EHD4: variants seen among roughly 807,000 people sequenced by gnomAD.
EHD4 encodes EH domain-containing protein 4.
In EHD4, 37 loss-of-function variants were observed where a neutral mutation model predicts 51.0. The observed-to-expected ratio is 0.73, with a 90% CI of 0.56 to 0.95. The LOEUF is 0.95. Among genes scored for constraint, EHD4 ranks in the 40% least tolerant of loss-of-function variants. The probability of loss-of-function intolerance (pLI) is 0.00; values close to 1 mark genes in which losing one functional copy is unlikely to be tolerated. For missense variants in EHD4, 632 were observed against 733.1 expected (o/e 0.86, Z 1.59); for synonymous variants, 297 against 317.3 (o/e 0.94, Z 0.68).
At position 41,897,809 on chromosome 15, in the gene EHD4, T is replaced by G. The variant is rs2067449440; in HGVS notation, c.*2836A>C. The G allele has an allele frequency of 1.3e-5, 2 of 152,270 alleles. No homozygotes were observed. Among genetic ancestry groups the G allele is most frequent in the South Asian group, 4.1e-4 (2 of 4,834 alleles). The allele number at this position is 152,270 out of a possible 1,614,324, so 9.4% of individuals were successfully genotyped here. Reference sequence around the variant, plus strand: ...GTGTAGAAAACAGGGCCTCAGCTTCTTAGATGTTGTAGTTCTAGAGTTTAG... The same window carrying G: ...GTGTAGAAAACAGGGCCTCAGCTTCGTAGATGTTGTAGTTCTAGAGTTTAG... On this transcript the variant is annotated 3_prime_UTR_variant, in exon 6 of 6. Coordinates refer to ENST00000220325, the MANE Select transcript of EHD4 (RefSeq NM_139265.4).
intron 3 of EHD4, among the ~76,000 whole-genome samples, chr15:41,923,393 A>C (rs1023157203): frequency 6.6e-6 from 1 of 152,336 alleles, no homozygotes; most frequent in Admixed American, 6.5e-5. Context: ...CTAGCTACCC[A>C]AAAATCCCAG....
chr15:41,901,239 T>C, intron 5 of EHD4, 58 bp from the exon 6 acceptor site: 1 of 1,488,278 alleles, frequency 6.7e-7, no homozygotes, highest in South Asian at 1.4e-5. Context: ...GGGAAACAGT[T>C]GGGGGCCACT....
chr15:41,931,738 G>A (rs554953053), intron 3 of EHD4, among the ~76,000 whole-genome samples: 44 of 150,416 alleles, frequency 2.9e-4, no homozygotes, highest in African/African-American at 7.8e-4. Context: ...ATGCAGTGGC[G>A]CAATCTCAGC....
chr15:41,942,965 C>G, intron 3 of EHD4, 102 bp downstream of exon 3: 1 of 1,172,920 alleles, frequency 8.5e-7, no homozygotes. Flanking sequence ...CAACAGCTGT[C>G]CTGGAGGACG....
At chr15:41,952,847 G>A (rs769418473) in intron 2 of EHD4, among the ~76,000 whole-genome samples, 6 of 151,798 alleles carry the variant, frequency 4.0e-5, no homozygotes, top group Non-Finnish European at 8.8e-5. Flanking sequence ...AAAATTAGCT[G>A]GGTGTGGTGG....
chr15:41,969,890 A>G (rs1250772520), intron 1 of EHD4, among the ~76,000 whole-genome samples: 1 of 152,208 alleles, frequency 6.6e-6, no homozygotes, highest in Non-Finnish European at 1.5e-5. Context: ...TGGAATGTGC[A>G]GGAAGCCAGG....
At chr15:41,936,528 A>C (rs1330573526) in intron 3 of EHD4, among the ~76,000 whole-genome samples, 1 of 152,240 alleles carries the variant, frequency 6.6e-6, no homozygotes, top group African/African-American at 2.4e-5. Context: ...AATGTCTGAG[A>C]TATCCCGTGA....
chr15:41,930,729 C>A (rs1465251296), intron 3 of EHD4, among the ~76,000 whole-genome samples: 1 of 152,152 alleles, frequency 6.6e-6, no homozygotes, highest in African/African-American at 2.4e-5. Flanking sequence ...GCTCCTCAAG[C>A]CAAACTATTA....
At chr15:41,938,252 C>G (rs1015431875) in intron 3 of EHD4, among the ~76,000 whole-genome samples, 1 of 152,174 alleles carries the variant, frequency 6.6e-6, no homozygotes, top group Non-Finnish European at 1.5e-5. Flanking sequence ...CTTGAAACAG[C>G]CTGTTCCTGT....
chr15:41,930,367 T>C (rs2067690487), intron 3 of EHD4, among the ~76,000 whole-genome samples: 1 of 152,252 alleles, frequency 6.6e-6, no homozygotes, highest in Admixed American at 6.5e-5. Context: ...AAACATTACT[T>C]GCACTGAATT....
chr15:41,952,686 T>C (rs2067860044), intron 2 of EHD4, among the ~76,000 whole-genome samples: 1 of 152,074 alleles, frequency 6.6e-6, no homozygotes, highest in Non-Finnish European at 1.5e-5. Context: ...CAACTTTACA[T>C]CTATAAAATA....
chr15:41,908,048 TAG>T (rs1336493258), intron 5 of EHD4, among the ~76,000 whole-genome samples: 1 of 151,872 alleles, frequency 6.6e-6, no homozygotes, highest in Non-Finnish European at 1.5e-5. Flanking sequence ...GTATTTTTAG[TAG>T]AGACAGGGTT....
Position 41,919,249 on chromosome 15 carries a change from G to A in EHD4, c.885C>T (p.Arg295=). The A allele has an allele frequency of 6.2e-7, 1 of 1,614,106 alleles. No individual in the cohort carries two copies. Among genetic ancestry groups the A allele is most frequent in the Non-Finnish European group, 8.5e-7 (1 of 1,180,052 alleles). Reference sequence around the variant, plus strand: ...CTCGCTTGATGAGGTCGTTGAGCTTGCGCACCGCTGCCTTCTGGGGGAGGC... The same window carrying A: ...CTCGCTTGATGAGGTCGTTGAGCTTACGCACCGCTGCCTTCTGGGGGAGGC... ...IQSLPQKAAV[R]KLNDLIKRAR... Residue 295 remains arginine, a synonymous_variant, in exon 4 of 6, where the codon CGC becomes CGT. Coordinates refer to ENST00000220325, the MANE Select transcript of EHD4 (RefSeq NM_139265.4).
chr15:41,950,761 G>T (rs2067847951), intron 2 of EHD4, among the ~76,000 whole-genome samples: 1 of 152,136 alleles, frequency 6.6e-6, no homozygotes, highest in Non-Finnish European at 1.5e-5. Flanking sequence ...GGCATAGGGT[G>T]TGGGACAGGG....
intron 1 of EHD4, among the ~76,000 whole-genome samples, chr15:41,964,061 C>T (rs1177305112): frequency 3.5e-5 from 5 of 141,240 alleles, no homozygotes; most frequent in African/African-American, 1.3e-4. Flanking sequence ...AGGAGAATGG[C>T]GTGAACCTGG....
intron 3 of EHD4, among the ~76,000 whole-genome samples, chr15:41,929,058 ACCAGAAAACC>A (rs2067681905): frequency 6.6e-6 from 1 of 152,188 alleles, no homozygotes; most frequent in African/African-American, 2.4e-5. Context: ...GTAACTGGTT[ACCAGAAAACC>A]CCAGAGGTTG....
At chr15:41,948,693 T>A (rs2067831614) in intron 2 of EHD4, among the ~76,000 whole-genome samples, 1 of 152,160 alleles carries the variant, frequency 6.6e-6, no homozygotes, top group Non-Finnish European at 1.5e-5. Context: ...CTTTAGTAAG[T>A]CAGTTTTTAA....
At chr15:41,907,856 G>T (rs912453144) in intron 5 of EHD4, among the ~76,000 whole-genome samples, 1 of 106,244 alleles carries the variant, frequency 9.4e-6, no homozygotes, top group African/African-American at 4.0e-5. Flanking sequence ...GTGTGTGTGT[G>T]TGTGTGTGTG....
At chr15:41,931,546 A>G (rs2067698241) in intron 3 of EHD4, among the ~76,000 whole-genome samples, 1 of 152,238 alleles carries the variant, frequency 6.6e-6, no homozygotes, top group Non-Finnish European at 1.5e-5. Flanking sequence ...ATAAAGTAAA[A>G]TTAAATTAAA....
Sources: allele counts gnomAD v4.1 joint callset (sites outside exome capture counted in the v4.1 genomes callset), GRCh38; gene constraint gnomAD v4.1.1; transcripts MANE v1.5; gene names NCBI Gene and HGNC (gene_info 2026-07-23, HGNC 2026-07-21).